DIAPH2: variants seen among roughly 807,000 people sequenced by gnomAD.
DIAPH2 encodes protein diaphanous homolog 2.
A neutral mutation model predicts 92.7 loss-of-function variants in DIAPH2; 35 were observed. That is an observed-to-expected ratio of 0.38 (90% CI 0.29 to 0.50). The LOEUF is 0.50. DIAPH2 is among the 20% of genes least tolerant of loss of function. The pLI is 0.94. For missense variants in DIAPH2, 701 were observed against 819.5 expected, an observed-to-expected ratio of 0.86 and a Z score of 1.77; for synonymous variants, 301 against 280.4, an observed-to-expected ratio of 1.07 and a Z score of -0.73.
chrX:97,274,005 C>CGG (rs1447066630), intron 23 of DIAPH2, among the ~76,000 whole-genome samples: 9 of 69,275 alleles, frequency 1.3e-4, no homozygotes, highest in African/African-American at 4.9e-4. Context: ...ATAAAACTAG[C>CGG]GGTGTGTGTG....
At chrX:97,318,987 T>G (rs2068866803) in intron 23 of DIAPH2, among the ~76,000 whole-genome samples, 1 of 111,836 alleles carries the variant, frequency 8.9e-6, no homozygotes, top group Non-Finnish European at 1.9e-5. Context: ...TAGCTGTATT[T>G]TTTTTCCCTT....
At chrX:96,690,126 T>C (rs2063791724) in intron 1 of DIAPH2, among the ~76,000 whole-genome samples, 1 of 111,076 alleles carries the variant, frequency 9.0e-6, no homozygotes, top group African/African-American at 3.3e-5. Context: ...GTTTGAATTC[T>C]TGTGATGTCA....
At chrX:96,835,452 A>T (rs1407104949) in intron 4 of DIAPH2, among the ~76,000 whole-genome samples, 1 of 111,740 alleles carries the variant, frequency 8.9e-6, no homozygotes, top group Non-Finnish European at 1.9e-5. Flanking sequence ...CTTGGGTTGG[A>T]TGGAAAATCC....
intron 25 of DIAPH2, among the ~76,000 whole-genome samples, chrX:97,402,628 C>T (rs943460553): frequency 9.0e-6 from 1 of 111,566 alleles, no homozygotes; most frequent in African/African-American, 3.3e-5. Flanking sequence ...TCAATCTTTT[C>T]TGCTTTCAAT....
intron 23 of DIAPH2, among the ~76,000 whole-genome samples, chrX:97,280,862 G>A (rs184161075): frequency 1.6e-4 from 18 of 111,604 alleles, no homozygotes; most frequent in African/African-American, 9.8e-5. Context: ...ATTTCCCCGG[G>A]TCCCTGAGGT....
chrX:97,097,711 T>G (rs950355783), intron 19 of DIAPH2, among the ~76,000 whole-genome samples: 6 of 111,975 alleles, frequency 5.4e-5, no homozygotes, highest in Middle Eastern at 4.2e-3. Context: ...TTAGTTTCAC[T>G]GTGGTGAAAA....
At chrX:97,175,019 C>G (rs2067481531) in intron 22 of DIAPH2, among the ~76,000 whole-genome samples, 1 of 111,592 alleles carries the variant, frequency 9.0e-6, no homozygotes, top group African/African-American at 3.3e-5. Flanking sequence ...TTTGAATACT[C>G]TGAAAATGTC....
intron 22 of DIAPH2, among the ~76,000 whole-genome samples, chrX:97,238,584 T>TC (rs765214016): frequency 5.6e-4 from 61 of 108,831 alleles, no homozygotes; most frequent in African/African-American, 1.6e-3. Flanking sequence ...TTTTTTTTTT[T>TC]CCCCCTAAGA....
chrX:97,001,678 A>G (rs1485488294), intron 17 of DIAPH2, among the ~76,000 whole-genome samples: 3 of 111,238 alleles, frequency 2.7e-5, no homozygotes, highest in Non-Finnish European at 5.7e-5. Context: ...AAACAATAAA[A>G]CACAAAGCCA....
rs1208009668 is a variant in DIAPH2, at chrX:97,095,601, G to A, written c.2248-4093G>A. ...TGAACCTAACGCAGTTCTTCTACTA[G>A]TAAAGTGACTTAATGAGATAGAAGA... On this transcript the variant is annotated intron_variant, in intron 19 of 26. Coordinates refer to ENST00000324765, the MANE Select transcript of DIAPH2 (RefSeq NM_006729.5). Among the ~76,000 whole-genome samples, 19 of 109,884 alleles carry A rather than the reference G, an allele frequency of 1.7e-4. No homozygotes were observed. The Admixed American group carries it at 1.9e-3, about 11-fold the overall frequency.
intron 26 of DIAPH2, among the ~76,000 whole-genome samples, chrX:97,571,928 C>G (rs1474695883): frequency 8.9e-6 from 1 of 111,745 alleles, no homozygotes; most frequent in East Asian, 2.8e-4. Context: ...ATTGTTGACT[C>G]CTGTCAGACA....
At chrX:96,791,556 T>TA (rs199542885) in intron 4 of DIAPH2, among the ~76,000 whole-genome samples, 3 of 104,814 alleles carry the variant, frequency 2.9e-5, no homozygotes, top group East Asian at 6.0e-4. Flanking sequence ...TGAGACTCCT[T>TA]AAAAAAAAGG....
chrX:96,857,744 C>T (rs1043829625), intron 4 of DIAPH2, among the ~76,000 whole-genome samples: 19 of 112,378 alleles, frequency 1.7e-4, no homozygotes, highest in African/African-American at 6.1e-4. Context: ...ATGCTTTCAG[C>T]GATATAGCTG....
At chrX:97,514,991 G>A (rs749869900) in intron 26 of DIAPH2, among the ~76,000 whole-genome samples, 2 of 110,607 alleles carry the variant, frequency 1.8e-5, no homozygotes, top group South Asian at 3.9e-4. Flanking sequence ...CCCAGAGGTG[G>A]AGCCTACAGA....
At chrX:97,373,617 T>TTC in intron 24 of DIAPH2, among the ~76,000 whole-genome samples, 1 of 98,272 alleles carries the variant, frequency 1.0e-5, no homozygotes, top group Non-Finnish European at 2.1e-5. Context: ...TTTTTTTTTT[T>TTC]TTTTTTTGAG....
At chrX:97,290,541 C>A (rs1167621408) in intron 23 of DIAPH2, among the ~76,000 whole-genome samples, 1 of 112,217 alleles carries the variant, frequency 8.9e-6, no homozygotes, top group Non-Finnish European at 1.9e-5. Flanking sequence ...TTGAGAATTT[C>A]AAGATGTCAG....
At chrX:97,544,609 G>C (rs1180811149) in intron 26 of DIAPH2, among the ~76,000 whole-genome samples, 1 of 111,531 alleles carries the variant, frequency 9.0e-6, no homozygotes, top group Non-Finnish European at 1.9e-5. Flanking sequence ...AGTAACTTAG[G>C]CCAGGTCATT....
intron 22 of DIAPH2, among the ~76,000 whole-genome samples, chrX:97,183,589 A>C (rs981120041): frequency 2.7e-5 from 3 of 112,137 alleles, no homozygotes; most frequent in African/African-American, 9.7e-5. Flanking sequence ...GGTCTATCTA[A>C]AATTTTAATA....
At chrX:97,462,783 T>G (rs764319268) in intron 26 of DIAPH2, among the ~76,000 whole-genome samples, 1 of 110,572 alleles carries the variant, frequency 9.0e-6, no homozygotes, top group Admixed American at 9.7e-5. Context: ...AAGCACTTTT[T>G]ACCCAGAAAG....
Sources: allele counts gnomAD v4.1 joint callset (sites outside exome capture counted in the v4.1 genomes callset), GRCh38; gene constraint gnomAD v4.1.1; transcripts MANE v1.5; gene names NCBI Gene and HGNC (gene_info 2026-07-23, HGNC 2026-07-21).